Variants in MS4A14 observed in about 807,000 individuals in gnomAD.
The protein encoded by MS4A14 is membrane spanning 4-domains A14.
A neutral mutation model predicts 16.7 loss-of-function variants in MS4A14; 18 were observed. The ratio of observed to expected loss-of-function variants is 1.08; its 90% CI spans 0.75 to 1.60. The LOEUF (loss-of-function observed/expected upper bound fraction) is 1.60, where lower values mean the gene tolerates loss of function less well. Ranked by LOEUF, MS4A14 falls within the 40% of genes most tolerant of loss-of-function variation. The probability of loss-of-function intolerance (pLI) is 0.00; values close to 1 mark genes in which losing one functional copy is unlikely to be tolerated. For missense variants in MS4A14, 812 were observed against 775.3 expected (o/e 1.05, Z -0.56); for synonymous variants, 305 against 289.4 (o/e 1.05, Z -0.55).
chr11:60,406,623 A>G (rs1381153206), intron 4 of MS4A14, among the ~76,000 whole-genome samples: 1 of 152,126 alleles, frequency 6.6e-6, no homozygotes, highest in Non-Finnish European at 1.5e-5. Flanking sequence ...AGTCCCAAAT[A>G]CCAGTACAGG....
chr11:60,404,480 C>A (rs1330277576), intron 4 of MS4A14: 1 of 449,228 alleles, frequency 2.2e-6, no homozygotes, highest in East Asian at 7.0e-5. Flanking sequence ...GATTAAGACC[C>A]AAATCTTAAC....
At chr11:60,400,704 T>G (rs1396385600) in intron 3 of MS4A14, among the ~76,000 whole-genome samples, 1 of 152,158 alleles carries the variant, frequency 6.6e-6, no homozygotes, top group African/African-American at 2.4e-5. Flanking sequence ...TGTAATTCAT[T>G]GTTTGTAATT....
chr11:60,399,638 C>T, intron 2 of MS4A14, among the ~76,000 whole-genome samples: 1 of 152,074 alleles, frequency 6.6e-6, no homozygotes, highest in African/African-American at 2.4e-5. Context: ...TGAGAGGAGG[C>T]TACAAACACA....
intron 2 of MS4A14, 80 bp downstream of exon 2, chr11:60,398,060 T>A (rs1181336305): frequency 1.3e-6 from 2 of 1,503,798 alleles, no homozygotes; most frequent in Non-Finnish European, 1.8e-6. Flanking sequence ...GGGTAATGAA[T>A]TCCATAAATA....
intron 4 of MS4A14, among the ~76,000 whole-genome samples, chr11:60,409,581 A>T (rs989885373): frequency 1.4e-5 from 2 of 147,994 alleles, no homozygotes; most frequent in African/African-American, 2.5e-5. Context: ...TGTATATTTT[A>T]TATATATATA....
rs142892172 is a variant in MS4A14 at position 60,416,480 on chromosome 11, C to T, written c.1512C>T (p.Asp504=). The change falls in exon 5 of 5, where the codon GAC becomes GAT. Residue 504 remains aspartate, a synonymous_variant. Transcript: ENST00000300187. ...ALQYLRRHSL[D]VQAKGQKSSK... is the part of the protein sequence containing the mutation. ...AATACTTAAGGAGACATTCTTTAGA[C>T]GTGCAAGCCAAAGGCCAGAAATCCT... 8.2e-4 allele frequency: 1,325 copies of T among 1,613,782 alleles called. 4 individuals carry two copies. The highest frequency in any genetic ancestry group is 5.7e-4 in the Non-Finnish European group (677 of 1,179,956).
In MS4A14 at chr11:60,416,653, C is replaced by CAGATCAGCAAGCTGA; in HGVS notation, c.1698_1712dup (p.Glu567_Ala571dup). On this transcript the variant is annotated inframe_insertion, in exon 5 of 5. Transcript: ENST00000300187. ...CTTAATCAAACTAAAGAGCAACTCC[C>CAGATCAGCAAGCTGA]AGATCAGCAAGCTGAAGATCAGCAA... 1 of 1,613,792 alleles carries CAGATCAGCAAGCTGA rather than the reference C, an allele frequency of 6.2e-7. No individual in the cohort carries two copies. Among genetic ancestry groups the CAGATCAGCAAGCTGA allele is most frequent in the African/African-American group, 1.3e-5 (1 of 74,984 alleles).
rs928446322 is a variant in MS4A14 at position 60,414,272 on chromosome 11, C to A, written c.469-1165C>A. 4.6e-5 allele frequency among the ~76,000 whole-genome samples: 7 copies of A among 151,960 alleles called. No homozygotes were observed. In the South Asian group the frequency reaches 1.0e-3, roughly 23 times the overall value. ...AAATATAGAAATCTCTTCCAAAGTACCATTTATACTCACATAAATAGTCCT... is the reference window on the plus strand; with the variant it reads ...AAATATAGAAATCTCTTCCAAAGTAACATTTATACTCACATAAATAGTCCT... On this transcript the variant is annotated intron_variant, in intron 4 of 4. Transcript: ENST00000300187.
chr11:60,415,504 A>G lies in MS4A14; in HGVS notation c.536A>G (p.Gln179Arg). ...CAACCTGCCCCAGAAGAAAATGATC[A>G]ATTACAATTTGTGCTTCAAGAAGAG... ...SEQPAPEENDQLQFVLQEEFS... is the reference protein window; with the variant it reads ...SEQPAPEENDRLQFVLQEEFS... Residue 179 changes from glutamine to arginine, a missense_variant, in exon 5 of 5, where the codon CAA becomes CGA. Physicochemically the swap from Gln to Arg is conservative, Grantham distance 43 (BLOSUM62 1). Transcript: ENST00000300187. 6.2e-7 allele frequency: 1 copy of G among 1,613,554 alleles called. No individual in the cohort carries two copies. The highest frequency in any genetic ancestry group is 8.5e-7 in the Non-Finnish European group (1 of 1,179,698).
rs1488455803 is a variant in MS4A14 at position 60,416,144 on chromosome 11, C to G, written c.1176C>G (p.Ser392=). The G allele has an allele frequency of 6.2e-7, 1 of 1,611,794 alleles. No homozygotes were observed. Among genetic ancestry groups the G allele is most frequent in the African/African-American group, 1.3e-5 (1 of 74,764 alleles). The change falls in exon 5 of 5, where the codon TCC becomes TCG. Residue 392 remains serine (S), a synonymous_variant. Coordinates refer to ENST00000300187, the MANE Select transcript of MS4A14 (RefSeq NM_032597.5). ...ATATGCTATCTCAAGACACACCATC[C>G]CACGCCATGCCACCTCAAGACATAC... The part of the protein sequence containing the change: ...SLDMLSQDTP[S]HAMPPQDIPS...
chr11:60,402,901 C>T lies in MS4A14; in HGVS notation c.319-11C>T. ...TCTTATTTATTTTATCATTTTTAAA[C>T]TATCTTTCAGGGTCAAGGTGTCACG... On this transcript the variant is annotated splice_polypyrimidine_tract_variant and intron_variant, in intron 3 of 4. Coordinates refer to ENST00000300187, the MANE Select transcript of MS4A14 (RefSeq NM_032597.5). 1 of 1,605,504 alleles carries T rather than the reference C, an allele frequency of 6.2e-7. No homozygotes were observed. The highest frequency in any genetic ancestry group is 8.5e-7 in the Non-Finnish European group (1 of 1,176,922).
intron 2 of MS4A14, 100 bp from the exon 3 acceptor site, chr11:60,400,304 G>A: frequency 1.4e-6 from 1 of 725,192 alleles, no homozygotes; most frequent in Non-Finnish European, 2.3e-6. Flanking sequence ...GGATGGTCTT[G>A]GAGATTCACA....
chr11:60,396,507 G>A lies in MS4A14; in HGVS notation c.-72G>A, dbSNP rs1335262121. The A allele has an allele frequency of 7.1e-6, 11 of 1,552,994 alleles. No individual in the cohort carries two copies. The East Asian group carries it at 2.3e-4, about 32-fold the overall frequency. ...TCTGAGGGCTCCATGTGACTCTGGT[G>A]GAGAGGTAGATCATGATTTGGGCGG... On this transcript the variant is annotated 5_prime_UTR_variant, in exon 1 of 5. Coordinates refer to ENST00000300187, the MANE Select transcript of MS4A14 (RefSeq NM_032597.5).
intron 4 of MS4A14, among the ~76,000 whole-genome samples, chr11:60,408,181 C>T (rs931777948): frequency 7.9e-5 from 12 of 152,102 alleles, no homozygotes; most frequent in Non-Finnish European, 1.6e-4. Context: ...TGTTGAAAAT[C>T]AATTTACTTA....
chr11:60,404,065 A>G (rs56382614), intron 4 of MS4A14, among the ~76,000 whole-genome samples: 228 of 152,346 alleles, frequency 1.5e-3, no homozygotes, highest in African/African-American at 5.2e-3. Context: ...GGCCAAGAAC[A>G]TGATACAACA....
chr11:60,400,253 C>T (rs1303908561), intron 2 of MS4A14, 151 bp from the exon 3 acceptor site: 5 of 520,840 alleles, frequency 9.6e-6, no homozygotes, highest in African/African-American at 1.9e-5. Context: ...ACCCTACCTA[C>T]GCCTACCTTC....
chr11:60,404,467 G>A (rs2085758765), intron 4 of MS4A14: 1 of 443,068 alleles, frequency 2.3e-6, no homozygotes, highest in African/African-American at 2.0e-5. Context: ...TAAAACGTAT[G>A]ATGATTAAGA....
intron 4 of MS4A14, among the ~76,000 whole-genome samples, chr11:60,410,023 T>C (rs2085846222): frequency 6.6e-6 from 1 of 152,062 alleles, no homozygotes; most frequent in Non-Finnish European, 1.5e-5. Context: ...TAAATTTTTA[T>C]TTTTATTTTT....
intron 4 of MS4A14, chr11:60,404,407 G>A (rs1021252795): frequency 1.5e-4 from 59 of 400,612 alleles, no homozygotes; most frequent in Non-Finnish European, 1.4e-4. Context: ...ACTGTGGCTA[G>A]AGTAATCATT....
Sources: gnomAD v4.1 joint callset for allele counts (sites outside exome capture counted in the v4.1 genomes callset) on GRCh38, gnomAD v4.1.1 for gene constraint, MANE v1.5 for transcripts, NCBI Gene and HGNC (gene_info 2026-07-23, HGNC 2026-07-21) for gene names.